The following PLCB4 variants were observed in gnomAD, a reference collection of about 807,000 sequenced individuals.
PLCB4 encodes the protein phospholipase C beta 4.
In PLCB4, 77 loss-of-function variants were observed where a neutral mutation model predicts 178.8. That is an observed-to-expected ratio of 0.43 (90% CI 0.36 to 0.52). The LOEUF (loss-of-function observed/expected upper bound fraction) is 0.52. Among genes scored for constraint, PLCB4 ranks in the 20% least tolerant of loss-of-function variants. PLCB4 has a pLI of 0.00. For synonymous variants in PLCB4, 496 were observed against 490.8 expected, an observed-to-expected ratio of 1.01 and a Z score of -0.14; for missense variants, 1,024 against 1,453.4, an observed-to-expected ratio of 0.70 and a Z score of 4.80.
chr20:9,303,778 A>G (rs1342171259), intron 3 of PLCB4, among the ~76,000 whole-genome samples: 1 of 152,004 alleles, frequency 6.6e-6, no homozygotes, highest in Admixed American at 6.6e-5. Flanking sequence ...GCACCTCCAT[A>G]CTGTTTTTGA....
Position 9,434,402 on chromosome 20 carries a change from G to A in PLCB4, c.2525-1158G>A, listed in dbSNP as rs1441368820. On this transcript the variant is annotated intron_variant, in intron 28 of 39. Coordinates refer to ENST00000378473, the MANE Select transcript of PLCB4 (RefSeq NM_001377142.1). The stretch of plus-strand genomic sequence containing the variant: ...TATTATTATTTTTTTCTGAGACGGA[G>A]TCTCACTCTGTCACCCAGCCTGGAG... Among the ~76,000 whole-genome samples the A allele has an allele frequency of 2.6e-5, 4 of 152,140 alleles. No homozygotes were observed. The East Asian group carries it at 7.7e-4, about 29-fold the overall frequency.
At chr20:9,243,167 A>G (rs1177927345) in intron 3 of PLCB4, among the ~76,000 whole-genome samples, 4 of 152,166 alleles carry the variant, frequency 2.6e-5, no homozygotes, top group South Asian at 2.1e-4. Flanking sequence ...GGAAAGAGGT[A>G]TAGAAAAACT....
chr20:9,479,330 A>C lies in PLCB4; in HGVS notation c.*321A>C. ...TTGGTGTGAACAACTCTCCTTTGTG[A>C]TGCCTTAGGACATGTTTGAACTGCA... On this transcript the variant is annotated 3_prime_UTR_variant, in exon 40 of 40. Coordinates refer to ENST00000378473, the MANE Select transcript of PLCB4 (RefSeq NM_001377142.1). 1 of 307,794 alleles carries C rather than the reference A, an allele frequency of 3.2e-6. No homozygotes were observed. 19.1% of individuals were successfully genotyped at this position (307,794 alleles called of 1,614,324 possible). A position where few individuals can be genotyped will look rare whatever the true frequency, so the allele number is the denominator to read the frequency against.
rs555995774 is a variant in PLCB4 at position 9,228,865 on chromosome 20, C to A, written c.-16+11413C>A. Among the ~76,000 whole-genome samples, 36 of 152,250 alleles carry A rather than the reference C, an allele frequency of 2.4e-4. 1 individual carries two copies. The highest frequency in any genetic ancestry group is 6.8e-3 in the Middle Eastern group (2 of 294). ...GGTTGACTTCTGGGCCCATGCAGAA[C>A]CTCCTAAAGCTGAGATGGAGAGAAT... On this transcript the variant is annotated intron_variant, in intron 3 of 39. Transcript: ENST00000378473.
rs539466607 is a variant in PLCB4, at chr20:9,479,561, T to C, written c.*552T>C. 6.5e-6 allele frequency: 1 copy of C among 154,246 alleles called. No individual in the cohort carries two copies. The highest frequency in any genetic ancestry group is 1.4e-5 in the Non-Finnish European group (1 of 69,282). The allele number at this position is 154,246 out of a possible 1,614,324, so 9.6% of individuals were successfully genotyped here. Reference sequence around the variant, plus strand: ...ATCAGAGGCTAATTTCCTGTAAAAGTTGTGGAAATTGTTAGAACAATAGAA... The same window carrying C: ...ATCAGAGGCTAATTTCCTGTAAAAGCTGTGGAAATTGTTAGAACAATAGAA... On this transcript the variant is annotated 3_prime_UTR_variant, in exon 40 of 40. Coordinates refer to ENST00000378473, the MANE Select transcript of PLCB4 (RefSeq NM_001377142.1).
chr20:9,295,591 T>G (rs1208981585), intron 3 of PLCB4, among the ~76,000 whole-genome samples: 1 of 152,148 alleles, frequency 6.6e-6, no homozygotes, highest in Non-Finnish European at 1.5e-5. Context: ...ACAAGATGAC[T>G]TTTGTATAAG....
At position 9,468,568 on chromosome 20, in the gene PLCB4, T is replaced by C. The variant is rs1235229640; in HGVS notation, c.3249-3T>C. 2 of 1,579,798 alleles carry C rather than the reference T, an allele frequency of 1.3e-6. No individual in the cohort carries two copies. Among genetic ancestry groups the C allele is most frequent in the African/African-American group, 1.3e-5 (1 of 74,228 alleles). The stretch of plus-strand genomic sequence containing the variant: ...TGTTTGTTTTCTTGTTTTTAATACA[T>C]AGGGAAAGCAAGGAAATGCGAGCAC... On this transcript the variant is annotated splice_region_variant and splice_polypyrimidine_tract_variant and intron_variant, in intron 35 of 39. Coordinates refer to ENST00000378473, the MANE Select transcript of PLCB4 (RefSeq NM_001377142.1).
intron 32 of PLCB4, among the ~76,000 whole-genome samples, chr20:9,453,031 G>A (rs1358364261): frequency 1.3e-5 from 2 of 152,194 alleles, no homozygotes; most frequent in African/African-American, 4.8e-5. Context: ...AGATGAATGG[G>A]TGGAAATACT....
intron 9 of PLCB4, 116 bp from the exon 10 acceptor site, chr20:9,371,098 A>G: frequency 1.4e-6 from 1 of 711,976 alleles, no homozygotes; most frequent in Non-Finnish European, 2.5e-6. Flanking sequence ...AGGTAATTTT[A>G]TTCTCCTCTT....
chr20:9,468,803 C>G (rs1195710397), intron 36 of PLCB4, 131 bp downstream of exon 36: 14 of 564,940 alleles, frequency 2.5e-5, no homozygotes, highest in Non-Finnish European at 4.5e-5. Flanking sequence ...AGGAATTCTG[C>G]TATTATAACT....
chr20:9,203,057 AT>A (rs777905210), intron 2 of PLCB4, among the ~76,000 whole-genome samples: 19,518 of 96,440 alleles, frequency 0.2, 1,315 homozygotes, highest in African/African-American at 0.3. Context: ...AAAAAAAAAA[AT>A]ATATATATAT....
intron 3 of PLCB4, among the ~76,000 whole-genome samples, chr20:9,306,049 C>G (rs1477546876): frequency 6.6e-6 from 1 of 152,118 alleles, no homozygotes; most frequent in African/African-American, 2.4e-5. Flanking sequence ...GTTTCAGAAA[C>G]GTTCTTCTAC....
intron 2 of PLCB4, among the ~76,000 whole-genome samples, chr20:9,100,544 A>G (rs1362143188): frequency 6.6e-6 from 1 of 152,148 alleles, no homozygotes. Context: ...TGTTTAATGG[A>G]AAGGAATATA....
intron 33 of PLCB4, 39 bp from the exon 34 acceptor site, chr20:9,457,375 T>C (rs1301491281): frequency 2.2e-6 from 2 of 929,810 alleles, no homozygotes; most frequent in Non-Finnish European, 3.6e-6. Context: ...TGGGAAAATA[T>C]CTAATTTCTG....
intron 3 of PLCB4, among the ~76,000 whole-genome samples, chr20:9,296,977 G>A (rs1407366162): frequency 6.6e-6 from 1 of 152,024 alleles, no homozygotes; most frequent in East Asian, 1.9e-4. Context: ...CCTGCACGTT[G>A]TGCACATGTA....
At chr20:9,408,251 A>G (rs1288689820) in intron 22 of PLCB4, among the ~76,000 whole-genome samples, 193 bp downstream of exon 22, 1 of 152,168 alleles carries the variant, frequency 6.6e-6, no homozygotes, top group African/African-American at 2.4e-5. Context: ...CACGACTTCA[A>G]CCACAAGGTG....
chr20:9,240,345 C>T lies in PLCB4; in HGVS notation c.-16+22893C>T, dbSNP rs540351723. Among the ~76,000 whole-genome samples, 3 of 152,090 alleles carry T rather than the reference C, an allele frequency of 2.0e-5. No homozygotes were observed. The East Asian group carries it at 5.8e-4, about 29-fold the overall frequency. Reference sequence around the variant, plus strand: ...AGGATTAGAGAGTGACCTCCAGGTGCCATATTTTGGGGTAGTGTGTTCTGA... The same window carrying T: ...AGGATTAGAGAGTGACCTCCAGGTGTCATATTTTGGGGTAGTGTGTTCTGA... On this transcript the variant is annotated intron_variant, in intron 3 of 39. Coordinates refer to ENST00000378473, the MANE Select transcript of PLCB4 (RefSeq NM_001377142.1).
At chr20:9,158,984 A>G (rs539090437) in intron 2 of PLCB4, among the ~76,000 whole-genome samples, 38 of 152,316 alleles carry the variant, frequency 2.5e-4, no homozygotes, top group African/African-American at 8.2e-4. Context: ...AAGATGTTGT[A>G]CTGTTTTTAG....
chr20:9,334,392 G>A (rs1192956930), intron 4 of PLCB4, among the ~76,000 whole-genome samples: 3 of 152,146 alleles, frequency 2.0e-5, no homozygotes, highest in Non-Finnish European at 1.5e-5. Context: ...ATATTTCTAA[G>A]ATATTATGTC....
Sources: allele counts gnomAD v4.1 joint callset (sites outside exome capture counted in the v4.1 genomes callset), GRCh38; gene constraint gnomAD v4.1.1; transcripts MANE v1.5; gene names NCBI Gene and HGNC (gene_info 2026-07-23, HGNC 2026-07-21).